UBAP2: variants seen among roughly 807,000 people sequenced by gnomAD.
UBAP2 encodes ubiquitin associated protein 2, also known as ubiquitin-associated protein 2.
UBAP2 carries 75 observed loss-of-function variants against 139.6 expected under a neutral mutation model. That is an observed-to-expected ratio of 0.54 (90% confidence interval 0.45 to 0.65). The LOEUF (loss-of-function observed/expected upper bound fraction) is 0.65. Among genes scored for constraint, UBAP2 ranks in the 30% least tolerant of loss-of-function variants. The probability of loss-of-function intolerance (pLI) is 0.00; values close to 1 mark genes in which losing one functional copy is unlikely to be tolerated. For synonymous variants in UBAP2, 526 were observed against 526.2 expected, an observed-to-expected ratio of 1.00 and a Z score of 0.01; for missense variants, 1,368 against 1,369.6, an observed-to-expected ratio of 1.00 and a Z score of 0.02.
chr9:33,963,282 A>C (rs1409866611), intron 9 of UBAP2, among the ~76,000 whole-genome samples: 1 of 152,234 alleles, frequency 6.6e-6, no homozygotes, highest in African/African-American at 2.4e-5. Flanking sequence ...CACAGACTAT[A>C]AAAAATTCCA....
chr9:33,956,589 A>G (rs187563371), intron 10 of UBAP2, among the ~76,000 whole-genome samples: 35 of 152,188 alleles, frequency 2.3e-4, no homozygotes, highest in African/African-American at 8.4e-4. Context: ...TTGACCTCCC[A>G]AAGTGTTGGG....
intron 8 of UBAP2, among the ~76,000 whole-genome samples, chr9:33,970,146 C>T (rs1587585722): frequency 6.6e-6 from 1 of 151,100 alleles, no homozygotes; most frequent in East Asian, 2.0e-4. Flanking sequence ...GTTGCCCAGG[C>T]TGGTCTCAAA....
intron 15 of UBAP2, among the ~76,000 whole-genome samples, chr9:33,942,243 C>CA (rs1825286930): frequency 6.6e-6 from 1 of 152,040 alleles, no homozygotes; most frequent in Admixed American, 6.6e-5. Context: ...ACTCGGGAGG[C>CA]AGAGGTTGCA....
chr9:33,991,934 A>C (rs1419288098), intron 4 of UBAP2, among the ~76,000 whole-genome samples: 1 of 152,172 alleles, frequency 6.6e-6, no homozygotes, highest in African/African-American at 2.4e-5. Context: ...AACATCTGAG[A>C]AACACTTTAC....
At position 34,017,047 on chromosome 9, in the gene UBAP2, T is replaced by G; in HGVS notation, c.99+3A>C. On this transcript the variant is annotated splice_donor_region_variant and intron_variant, in intron 2 of 28. Coordinates refer to ENST00000379238, the MANE Select transcript of UBAP2 (RefSeq NM_001370062.2). ...AAAAAAAAAGAGTTCCACAAAAACT[T>G]ACCTGTACCACTTGTTTCTGTGGTT... is the stretch of plus-strand genomic sequence containing the variant. 1 of 1,584,148 alleles carries G rather than the reference T, an allele frequency of 6.3e-7. No individual in the cohort carries two copies. Among genetic ancestry groups the G allele is most frequent in the Non-Finnish European group, 8.5e-7 (1 of 1,170,758 alleles).
chr9:33,973,194 G>C lies in UBAP2; in HGVS notation c.564C>G (p.Thr188=), dbSNP rs778932849. The C allele has an allele frequency of 1.9e-6, 3 of 1,613,834 alleles. No homozygotes were observed. Among genetic ancestry groups the C allele is most frequent in the Non-Finnish European group, 2.5e-6 (3 of 1,179,892 alleles). Reference sequence around the variant, plus strand: ...TGGCTATCACTTACCCCATGCCTTGGGTTGAGAACCTTCCTGCCCCTCTCC... The same window carrying C: ...TGGCTATCACTTACCCCATGCCTTGCGTTGAGAACCTTCCTGCCCCTCTCC... ...GRGRGAGRFS[T]QGMGTFNPAD... The change falls in exon 7 of 29, where the codon ACC becomes ACG. Residue 188 remains threonine, a synonymous_variant. Transcript: ENST00000379238.
chr9:34,014,369 G>A (rs1012283774), intron 2 of UBAP2, among the ~76,000 whole-genome samples: 4 of 138,694 alleles, frequency 2.9e-5, no homozygotes, highest in East Asian at 2.3e-4. Flanking sequence ...GGTGGCTCAC[G>A]CCTATAATCA....
rs181363706 is a variant in UBAP2 at position 34,043,332 on chromosome 9, A to G, written c.-42+5493T>C. 7.3e-5 allele frequency among the ~76,000 whole-genome samples: 11 copies of G among 151,680 alleles called. No homozygotes were observed. In the East Asian group the frequency reaches 2.2e-3, roughly 30 times the overall value. ...GACTACAAGCACACCATGCCCAGCT[A>G]ATTTTTGTATTTTTAGTAAAGACAG... On this transcript the variant is annotated intron_variant, in intron 1 of 28. Coordinates refer to ENST00000379238, the MANE Select transcript of UBAP2 (RefSeq NM_001370062.2).
intron 9 of UBAP2, 49 bp from the exon 10 acceptor site, chr9:33,960,927 A>C (rs773419156): frequency 6.4e-7 from 1 of 1,569,160 alleles, no homozygotes; most frequent in Non-Finnish European, 8.8e-7. Flanking sequence ...AGTCAAATAC[A>C]GTCTCAGTCC....
At chr9:34,007,763 C>A (rs1370108996) in intron 2 of UBAP2, among the ~76,000 whole-genome samples, 1 of 151,608 alleles carries the variant, frequency 6.6e-6, no homozygotes, top group African/African-American at 2.4e-5. Flanking sequence ...CTCAGCCTCC[C>A]GAGTAGCTGG....
intron 1 of UBAP2, among the ~76,000 whole-genome samples, chr9:34,025,346 G>T (rs1161908368): frequency 6.6e-6 from 1 of 152,150 alleles, no homozygotes; most frequent in Non-Finnish European, 1.5e-5. Flanking sequence ...TCTCAGAATA[G>T]AAACAGACAA....
chr9:34,028,270 T>C (rs1047478654), intron 1 of UBAP2, among the ~76,000 whole-genome samples: 1 of 152,104 alleles, frequency 6.6e-6, no homozygotes, highest in Admixed American at 6.6e-5. Flanking sequence ...CTCTTTCAGG[T>C]TACCTAAGGC....
intron 22 of UBAP2, among the ~76,000 whole-genome samples, chr9:33,926,138 T>TA (rs762309235): frequency 6.6e-6 from 1 of 152,092 alleles, no homozygotes; most frequent in Non-Finnish European, 1.5e-5. Flanking sequence ...GAAGAGACCT[T>TA]AAAGACCATC....
intron 1 of UBAP2, among the ~76,000 whole-genome samples, chr9:34,036,405 C>T (rs1342744200): frequency 1.3e-5 from 2 of 152,154 alleles, no homozygotes; most frequent in Non-Finnish European, 2.9e-5. Context: ...GCGTGAGCCA[C>T]CGTGCCCAGC....
In UBAP2 at chr9:33,998,840, C is replaced by T. The variant is rs1376580616; in HGVS notation, c.124G>A (p.Ala42Thr). 8.1e-6 allele frequency: 13 copies of T among 1,611,282 alleles called. No individual in the cohort carries two copies. The highest frequency in any genetic ancestry group is 1.1e-5 in the South Asian group (1 of 90,882). ...VQATAEQMRL[A>T]QVIFDKNDSD... is the part of the protein sequence containing the mutation. The stretch of plus-strand genomic sequence containing the variant: ...TCATTCTTATCAAAGATCACTTGAG[C>T]GAGACGCATCTGTTCAGCTGTTGCC... Residue 42 changes from alanine to threonine, a missense_variant, in exon 3 of 29, where the codon GCT becomes ACT. By Grantham distance (58) the Ala-to-Thr change is moderately conservative (BLOSUM62 0). Coordinates refer to ENST00000379238, the MANE Select transcript of UBAP2 (RefSeq NM_001370062.2).
intron 6 of UBAP2, among the ~76,000 whole-genome samples, chr9:33,977,336 C>T (rs1820225550): frequency 6.6e-6 from 1 of 151,886 alleles, no homozygotes; most frequent in Non-Finnish European, 1.5e-5. Flanking sequence ...CGCGCCCAGC[C>T]AAACAAAAAA....
At chr9:34,048,221 C>T (rs1448056274) in intron 1 of UBAP2, among the ~76,000 whole-genome samples, 1 of 152,194 alleles carries the variant, frequency 6.6e-6, no homozygotes, top group Non-Finnish European at 1.5e-5. Context: ...CGCTCAAAAA[C>T]CTACATTAAA....
chr9:34,016,570 T>G (rs1203128326), intron 2 of UBAP2, among the ~76,000 whole-genome samples: 1 of 151,826 alleles, frequency 6.6e-6, no homozygotes, highest in Admixed American at 6.6e-5. Context: ...TTATTTTTTT[T>G]TTTAGGAAGG....
At chr9:34,015,029 T>C in intron 2 of UBAP2, among the ~76,000 whole-genome samples, 1 of 152,230 alleles carries the variant, frequency 6.6e-6, no homozygotes, top group East Asian at 1.9e-4. Flanking sequence ...CTCCTCACTA[T>C]GTCCCCTAAC....
Sources: gnomAD v4.1 joint callset for allele counts (sites outside exome capture counted in the v4.1 genomes callset) on GRCh38, gnomAD v4.1.1 for gene constraint, MANE v1.5 for transcripts, NCBI Gene and HGNC (gene_info 2026-07-23, HGNC 2026-07-21) for gene names.